JAKMIP1: variants seen among roughly 807,000 people sequenced by gnomAD.
JAKMIP1 encodes janus kinase and microtubule interacting protein 1.
In JAKMIP1, 33 loss-of-function variants were observed where a neutral mutation model predicts 113.0. The observed-to-expected ratio is 0.29, with a 90% CI of 0.22 to 0.39. JAKMIP1 has a LOEUF of 0.39. JAKMIP1 is among the 10% of genes least tolerant of loss of function. JAKMIP1 has a pLI of 1.00. For synonymous variants in JAKMIP1, 480 were observed against 459.9 expected (o/e 1.04, Z -0.56); for missense variants, 813 against 1,080.5 (o/e 0.75, Z 3.47).
rs902900962 is a variant in JAKMIP1, at chr4:6,129,808, A to G, written c.-147-16811T>C. On this transcript the variant is annotated intron_variant, in intron 1 of 20. Coordinates refer to ENST00000409021, the MANE Select transcript of JAKMIP1 (RefSeq NM_001099433.2). This position sits in a 1 kb window ranked among gnomAD's most constrained non-coding sequence, Gnocchi z 5.4. The stretch of plus-strand genomic sequence containing the variant: ...CACCCTTCCTGTTTCTGGCAGCCTC[A>G]ATTGCCACCATCACCTGTCACTGTC... Among the ~76,000 whole-genome samples, 2 of 152,332 alleles carry G rather than the reference A, an allele frequency of 1.3e-5. No individual in the cohort carries two copies. Among genetic ancestry groups the G allele is most frequent in the Admixed American group, 1.3e-4 (2 of 15,296 alleles).
chr4:6,131,528 G>A (rs1411893023), intron 1 of JAKMIP1, among the ~76,000 whole-genome samples: 1 of 152,028 alleles, frequency 6.6e-6, no homozygotes, highest in Non-Finnish European at 1.5e-5. Context: ...CCAGGAGTTC[G>A]AGATCAGCCT....
chr4:6,054,545 C>T (rs941891953), intron 12 of JAKMIP1, among the ~76,000 whole-genome samples: 4 of 152,198 alleles, frequency 2.6e-5, no homozygotes, highest in South Asian at 2.1e-4. Flanking sequence ...CAACTCAAGC[C>T]CCACCAGATT....
At chr4:6,095,143 AAAAG>A (rs1045804276) in intron 3 of JAKMIP1, among the ~76,000 whole-genome samples, 3 of 150,880 alleles carry the variant, frequency 2.0e-5, no homozygotes, top group Non-Finnish European at 3.0e-5. Context: ...AAATGAAAGA[AAAAG>A]AAAGGAGCAA....
intron 1 of JAKMIP1, among the ~76,000 whole-genome samples, chr4:6,132,604 T>C (rs1718654348): frequency 6.8e-6 from 1 of 147,326 alleles, no homozygotes; most frequent in African/African-American, 2.6e-5. Flanking sequence ...ATCTCACCAC[T>C]GCACTCCAGC....
chr4:6,037,802 G>A (rs1375745347), intron 18 of JAKMIP1, among the ~76,000 whole-genome samples: 4 of 141,758 alleles, frequency 2.8e-5, no homozygotes, highest in Admixed American at 7.4e-5. Context: ...CTCCATCACC[G>A]AGGCAGAGGC....
chr4:6,054,632 A>C (rs1021253870), intron 12 of JAKMIP1: 49 of 409,118 alleles, frequency 1.2e-4, no homozygotes, highest in Non-Finnish European at 6.9e-5. Flanking sequence ...TTGCAGAAGA[A>C]GCCGTAAAGG....
Position 6,178,143 on chromosome 4 carries a change from A to T in JAKMIP1, c.-148+22110T>A, listed in dbSNP as rs1014129243. Among the ~76,000 whole-genome samples the T allele has an allele frequency of 6.6e-6, 1 of 152,202 alleles. No homozygotes were observed. The highest frequency in any genetic ancestry group is 6.5e-5 in the Admixed American group (1 of 15,284). ...GGAGGGATAGGAAAGAAGGAAACAG[A>T]AGCCCAAGGCTTTGATATATTTAGC... On this transcript the variant is annotated intron_variant, in intron 1 of 20. Coordinates refer to ENST00000409021, the MANE Select transcript of JAKMIP1 (RefSeq NM_001099433.2). This position sits in a 1 kb window ranked among gnomAD's most constrained non-coding sequence, Gnocchi z 5.5.
chr4:6,097,525 G>A lies in JAKMIP1; in HGVS notation c.624+7948C>T, dbSNP rs754280832. ...CGTTGTACACCTGCATTTTGACTGC[G>A]ATCTGTCACAGGAGGTTGGGTGTGC... is the stretch of plus-strand genomic sequence containing the variant. On this transcript the variant is annotated intron_variant, in intron 3 of 20. Transcript: ENST00000409021. This position sits in a 1 kb window ranked among gnomAD's most constrained non-coding sequence, Gnocchi z 4.3. 2.6e-5 allele frequency among the ~76,000 whole-genome samples: 4 copies of A among 152,128 alleles called. No individual in the cohort carries two copies. The highest frequency in any genetic ancestry group is 7.2e-5 in the African/African-American group (3 of 41,424).
At chr4:6,068,995 T>C (rs1718567947) in intron 8 of JAKMIP1, among the ~76,000 whole-genome samples, 1 of 152,184 alleles carries the variant, frequency 6.6e-6, no homozygotes, top group Admixed American at 6.5e-5. Context: ...TAAGCCTACA[T>C]GTACTCGATT....
intron 1 of JAKMIP1, among the ~76,000 whole-genome samples, chr4:6,117,527 T>C (rs2108900768): frequency 6.6e-6 from 1 of 152,246 alleles, no homozygotes; most frequent in South Asian, 2.1e-4. Context: ...AGGACCGAAG[T>C]GAAATTAAAA....
In JAKMIP1 at chr4:6,056,692, C is replaced by T. The variant is rs770971218; in HGVS notation, c.1707+5G>A. Reference sequence around the variant, plus strand: ...TGTGTGCTTCCCTGAGGTGGGGTCACGCACCTTTTCCAGCAAGTCTTGGTT... The same window carrying T: ...TGTGTGCTTCCCTGAGGTGGGGTCATGCACCTTTTCCAGCAAGTCTTGGTT... On this transcript the variant is annotated splice_donor_5th_base_variant and intron_variant, in intron 12 of 20. Coordinates refer to ENST00000409021, the MANE Select transcript of JAKMIP1 (RefSeq NM_001099433.2). The T allele has an allele frequency of 3.1e-6, 5 of 1,611,548 alleles. No individual in the cohort carries two copies. Among genetic ancestry groups the T allele is most frequent in the Non-Finnish European group, 4.2e-6 (5 of 1,178,076 alleles).
rs754378726 is a variant in JAKMIP1, at chr4:6,142,059, G to A, written c.-147-29062C>T. On this transcript the variant is annotated intron_variant, in intron 1 of 20. Coordinates refer to ENST00000409021, the MANE Select transcript of JAKMIP1 (RefSeq NM_001099433.2). This position sits in a 1 kb window ranked among gnomAD's most constrained non-coding sequence, Gnocchi z 5.5. ...TTCCTTCTGGGCTGCTTTTCCAGGG[G>A]CAGTTTTTACTTAAACTCATGTCTA... 1.6e-4 allele frequency among the ~76,000 whole-genome samples: 24 copies of A among 150,238 alleles called. No individual in the cohort carries two copies. Among genetic ancestry groups the A allele is most frequent in the African/African-American group, 5.4e-4 (22 of 40,650 alleles).
chr4:6,189,759 CTGGGGA>C (rs1727037523), intron 1 of JAKMIP1, among the ~76,000 whole-genome samples: 1 of 152,100 alleles, frequency 6.6e-6, no homozygotes, highest in Non-Finnish European at 1.5e-5. Context: ...CTGGCCCAGC[CTGGGGA>C]TGGAGTTTTC....
In JAKMIP1 at chr4:6,064,947, GACA is replaced by G. The variant is rs1560130850; in HGVS notation, c.1361_1363del (p.Leu454del). ...CCTGTCTGTGTTGTAGGATGTTTCG[GACA>G]ACGTTTCTGAGTCCACAGACTCCTC... On this transcript the variant is annotated inframe_deletion, in exon 9 of 21. Transcript: ENST00000409021. The surrounding 1 kb of genome is among the most constrained non-coding windows in gnomAD (Gnocchi z 4.3). The G allele has an allele frequency of 1.2e-6, 2 of 1,614,080 alleles. No individual in the cohort carries two copies. Among genetic ancestry groups the G allele is most frequent in the Admixed American group, 1.7e-5 (1 of 59,982 alleles).
In JAKMIP1 at chr4:6,184,869, G is replaced by A. The variant is rs1420973326; in HGVS notation, c.-148+15384C>T. ...GACTGGGAGAGGCAGACCTGCCCTC[G>A]GTGTGGGTGGGCACCATCTCATCAG... is the stretch of plus-strand genomic sequence containing the variant. On this transcript the variant is annotated intron_variant, in intron 1 of 20. Transcript: ENST00000409021. This position sits in a 1 kb window ranked among gnomAD's most constrained non-coding sequence, Gnocchi z 4.5. 2.0e-5 allele frequency among the ~76,000 whole-genome samples: 3 copies of A among 152,310 alleles called. No homozygotes were observed.
Position 6,143,589 on chromosome 4 carries a change from G to A in JAKMIP1, c.-147-30592C>T, listed in dbSNP as rs912346171. On this transcript the variant is annotated intron_variant, in intron 1 of 20. Transcript: ENST00000409021. This position sits in a 1 kb window ranked among gnomAD's most constrained non-coding sequence, Gnocchi z 4.9. ...ATTTTTAAACTTTTCAGTTAATTTTGGCACCTCCCCTAGAACAGCAGTTCT... is the reference window on the plus strand; with the variant it reads ...ATTTTTAAACTTTTCAGTTAATTTTAGCACCTCCCCTAGAACAGCAGTTCT... Among the ~76,000 whole-genome samples the A allele has an allele frequency of 2.0e-5, 3 of 152,142 alleles. No individual in the cohort carries two copies. Among genetic ancestry groups the A allele is most frequent in the Non-Finnish European group, 4.4e-5 (3 of 68,022 alleles).
At chr4:6,043,856 C>T (rs1284512159) in intron 16 of JAKMIP1, among the ~76,000 whole-genome samples, 1 of 152,150 alleles carries the variant, frequency 6.6e-6, no homozygotes, top group Non-Finnish European at 1.5e-5. Context: ...CCCGACAACA[C>T]TGGCAAGGCC....
chr4:6,189,950 G>GT (rs1016055689), intron 1 of JAKMIP1, among the ~76,000 whole-genome samples: 3 of 152,200 alleles, frequency 2.0e-5, no homozygotes, highest in East Asian at 3.8e-4. Flanking sequence ...GGGAGGCAGC[G>GT]TGGGCCATGC....
At position 6,137,281 on chromosome 4, in the gene JAKMIP1, G is replaced by T. The variant is rs1315378813; in HGVS notation, c.-147-24284C>A. On this transcript the variant is annotated intron_variant, in intron 1 of 20. Transcript: ENST00000409021. The surrounding 1 kb of genome is among the most constrained non-coding windows in gnomAD (Gnocchi z 4.5). ...CGTGCCAGCAGCCGGGCTCACCAGG[G>T]CCCACTGAGCCACAGCAGCCACAGT... Among the ~76,000 whole-genome samples, 2 of 152,150 alleles carry T rather than the reference G, an allele frequency of 1.3e-5. No individual in the cohort carries two copies. The highest frequency in any genetic ancestry group is 2.9e-5 in the Non-Finnish European group (2 of 68,036).
Sources: gnomAD v4.1 joint callset for allele counts (sites outside exome capture counted in the v4.1 genomes callset) on GRCh38, gnomAD v4.1.1 for gene constraint, Gnocchi (gnomAD v3.1) non-coding constraint, MANE v1.5 for transcripts, NCBI Gene and HGNC (gene_info 2026-07-23, HGNC 2026-07-21) for gene names.